The following PJA2 variants were observed in gnomAD, a reference collection of about 807,000 sequenced individuals.
PJA2 encodes praja ring finger ubiquitin ligase 2.
In PJA2, 25 loss-of-function variants were observed where a neutral mutation model predicts 69.3. That is an observed-to-expected ratio of 0.36 (90% confidence interval 0.26 to 0.50). The LOEUF (loss-of-function observed/expected upper bound fraction) is 0.50. Among genes scored for constraint, PJA2 ranks in the 20% least tolerant of loss-of-function variants. The pLI, the probability that PJA2 is intolerant of heterozygous loss-of-function variation, is 0.96. For synonymous variants in PJA2, 308 were observed against 277.8 expected (o/e 1.11, Z -1.08); for missense variants, 809 against 830.2 (o/e 0.97, Z 0.31).
chr5:109,373,948 A>C (rs1308006607), intron 4 of PJA2, among the ~76,000 whole-genome samples: 1 of 152,214 alleles, frequency 6.6e-6, no homozygotes, highest in Non-Finnish European at 1.5e-5. Flanking sequence ...GGTACTTGTT[A>C]CTTTGTTCTT....
intron 6 of PJA2, among the ~76,000 whole-genome samples, chr5:109,358,647 C>A (rs540648933): frequency 5.3e-5 from 8 of 152,076 alleles, no homozygotes; most frequent in Non-Finnish European, 7.4e-5. Context: ...CGGTGAAAGC[C>A]CGTATCTACA....
chr5:109,341,805 G>A (rs1762068533), intron 9 of PJA2, among the ~76,000 whole-genome samples: 4 of 105,888 alleles, frequency 3.8e-5, no homozygotes, highest in Admixed American at 2.8e-4. Context: ...CCGGCCAGCC[G>A]CCCCGTCCGG....
intron 6 of PJA2, among the ~76,000 whole-genome samples, chr5:109,356,586 T>C (rs1021513124): frequency 1.1e-4 from 17 of 152,184 alleles, no homozygotes; most frequent in Admixed American, 3.3e-4. Flanking sequence ...ACCCGATTAT[T>C]TCCCACATAT....
intron 6 of PJA2, among the ~76,000 whole-genome samples, chr5:109,356,820 G>A (rs1445319903): frequency 6.6e-6 from 1 of 151,766 alleles, no homozygotes; most frequent in Non-Finnish European, 1.5e-5. Context: ...TTGAAAAATA[G>A]CTCCTAACTG....
chr5:109,375,572 G>A (rs563018561), intron 4 of PJA2, among the ~76,000 whole-genome samples: 2 of 152,162 alleles, frequency 1.3e-5, no homozygotes, highest in African/African-American at 4.8e-5. Flanking sequence ...TATTCTTGAT[G>A]AGTTCTACTT....
chr5:109,362,199 G>A (rs536307740), intron 6 of PJA2, among the ~76,000 whole-genome samples: 2 of 152,278 alleles, frequency 1.3e-5, no homozygotes, highest in East Asian at 1.9e-4. Flanking sequence ...TATCTCAATA[G>A]TTACCTGCTT....
At chr5:109,351,614 C>T (rs1265328717) in intron 7 of PJA2, among the ~76,000 whole-genome samples, 4 of 152,092 alleles carry the variant, frequency 2.6e-5, no homozygotes, top group African/African-American at 9.6e-5. Flanking sequence ...AGAAAAGTTT[C>T]AAAAGGTTAA....
chr5:109,381,075 C>T lies in PJA2; in HGVS notation c.232+428G>A, dbSNP rs556208109. Among the ~76,000 whole-genome samples, 186 of 150,930 alleles carry T rather than the reference C, an allele frequency of 1.2e-3. 1 individual carries two copies. Among genetic ancestry groups the T allele is most frequent in the African/African-American group, 4.5e-3 (184 of 41,078 alleles). Reference sequence around the variant, plus strand: ...GGTTGCAGTCAGCCAAGATGCACTACTGCAGTCCATCCTGGGCAACAGAAC... The same window carrying T: ...GGTTGCAGTCAGCCAAGATGCACTATTGCAGTCCATCCTGGGCAACAGAAC... On this transcript the variant is annotated intron_variant, in intron 3 of 9. Transcript: ENST00000361189.
In PJA2 at chr5:109,378,227, T is replaced by C. The variant is rs1393644764; in HGVS notation, c.1260A>G (p.Gln420=). 2.5e-6 allele frequency: 4 copies of C among 1,612,690 alleles called. No homozygotes were observed. Among genetic ancestry groups the C allele is most frequent in the Non-Finnish European group, 8.5e-7 (1 of 1,179,116 alleles). ...TFWNGCGDYY[Q]LYDKDEDSSE... ...ACCTATCTTCATCTTTGTCATAGAGTTGGTAATAATCTCCACAGCCATTCC... is the reference window on the plus strand; with the variant it reads ...ACCTATCTTCATCTTTGTCATAGAGCTGGTAATAATCTCCACAGCCATTCC... The change falls in exon 4 of 10, where the codon CAA becomes CAG. Residue 420 remains glutamine, a synonymous_variant. Coordinates refer to ENST00000361189, the MANE Select transcript of PJA2 (RefSeq NM_014819.5).
At chr5:109,369,942 G>A (rs991829683) in intron 4 of PJA2, among the ~76,000 whole-genome samples, 4 of 148,662 alleles carry the variant, frequency 2.7e-5, no homozygotes, top group Admixed American at 1.4e-4. Context: ...TGAGGCAGGA[G>A]TTCAGCTTGA....
At chr5:109,348,025 G>C (rs1488368471) in intron 7 of PJA2, among the ~76,000 whole-genome samples, 2 of 152,198 alleles carry the variant, frequency 1.3e-5, no homozygotes, top group Non-Finnish European at 1.5e-5. Context: ...CTTGAGCTCA[G>C]TGTTGAGCTC....
At chr5:109,341,185 AG>A (rs1762048198) in intron 9 of PJA2, among the ~76,000 whole-genome samples, 1 of 111,488 alleles carries the variant, frequency 9.0e-6, no homozygotes, top group South Asian at 3.5e-4. Context: ...CATCCCATCT[AG>A]GAAGTGAGGA....
intron 1 of PJA2, among the ~76,000 whole-genome samples, chr5:109,404,332 C>A (rs1260344485): frequency 6.6e-6 from 1 of 151,654 alleles, no homozygotes; most frequent in Non-Finnish European, 1.5e-5. Context: ...ACCAGCCTGG[C>A]CAACATGGTA....
At chr5:109,408,537 CAA>C (rs576057624) in intron 1 of PJA2, among the ~76,000 whole-genome samples, 1 of 145,114 alleles carries the variant, frequency 6.9e-6, no homozygotes, top group African/African-American at 2.5e-5. Context: ...TAGCCTCCCT[CAA>C]AAAAAAAAAC....
At chr5:109,352,623 T>C (rs1762273451) in intron 7 of PJA2, among the ~76,000 whole-genome samples, 1 of 152,118 alleles carries the variant, frequency 6.6e-6, no homozygotes, top group African/African-American at 2.4e-5. Flanking sequence ...CTATGGTTAC[T>C]TTGAGAAAAA....
chr5:109,383,444 G>A lies in PJA2; in HGVS notation c.-11C>T, dbSNP rs370641104. On this transcript the variant is annotated 5_prime_UTR_variant, in exon 2 of 10. The change creates a new upstream start codon in the 5' untranslated region. Coordinates refer to ENST00000361189, the MANE Select transcript of PJA2 (RefSeq NM_014819.5). Reference sequence around the variant, plus strand: ...AGTGTACTGTGACATATATGGCAGCGTCTGTGTGACCAGTTCAGTAGAATT... The same window carrying A: ...AGTGTACTGTGACATATATGGCAGCATCTGTGTGACCAGTTCAGTAGAATT... 3.4e-5 allele frequency: 55 copies of A among 1,610,608 alleles called. No homozygotes were observed. The Middle Eastern group carries it at 1.2e-3, about 34-fold the overall frequency.
intron 7 of PJA2, among the ~76,000 whole-genome samples, chr5:109,350,773 A>C (rs2126990440): frequency 6.6e-6 from 1 of 152,242 alleles, no homozygotes; most frequent in African/African-American, 2.4e-5. Flanking sequence ...CTAAACCTCC[A>C]CATTACAGCC....
At chr5:109,342,563 G>A (rs866470900) in intron 9 of PJA2, among the ~76,000 whole-genome samples, 1,685 of 94,878 alleles carry the variant, frequency 0.018, 87 homozygotes, top group African/African-American at 0.085. Flanking sequence ...CGCCCCGTCC[G>A]GGAGGTGAGG....
chr5:109,399,278 C>T (rs1233251874), intron 1 of PJA2, among the ~76,000 whole-genome samples: 2 of 151,534 alleles, frequency 1.3e-5, no homozygotes, highest in Non-Finnish European at 2.9e-5. Flanking sequence ...GCATCATTGG[C>T]CCATACCCAA....
Sources: allele counts gnomAD v4.1 joint callset (sites outside exome capture counted in the v4.1 genomes callset), GRCh38; gene constraint gnomAD v4.1.1; transcripts MANE v1.5; gene names NCBI Gene and HGNC (gene_info 2026-07-23, HGNC 2026-07-21).